Variants in DNAH1 observed in about 807,000 individuals in gnomAD.
DNAH1 encodes the protein dynein axonemal heavy chain 1.
In DNAH1, 327 loss-of-function variants were observed where a neutral mutation model predicts 484.3. That is an observed-to-expected ratio of 0.68 (90% confidence interval 0.62 to 0.74). The LOEUF (loss-of-function observed/expected upper bound fraction) is 0.74, where lower values mean the gene tolerates loss of function less well. Ranked by LOEUF, DNAH1 falls within the 30% of genes least tolerant of loss-of-function variation. DNAH1 has a pLI of 0.00. For missense variants in DNAH1, 5,052 were observed against 5,546.8 expected (o/e 0.91, Z 2.83); for synonymous variants, 2,192 against 2,191.9 (o/e 1.00, Z 0.00).
chr3:52,325,215 C>T (rs1701293424), intron 3 of DNAH1, among the ~76,000 whole-genome samples: 1 of 152,200 alleles, frequency 6.6e-6, no homozygotes, highest in Non-Finnish European at 1.5e-5. Context: ...TGCCCAGGCA[C>T]CACCTCTGGT....
At position 52,346,511 on chromosome 3, in the gene DNAH1, A is replaced by G; in HGVS notation, c.1696A>G (p.Lys566Glu). 6.2e-7 allele frequency: 1 copy of G among 1,613,414 alleles called. No individual in the cohort carries two copies. The highest frequency in any genetic ancestry group is 8.5e-7 in the Non-Finnish European group (1 of 1,179,642). ...CAAGGACAGCTGGATCAGCTCGCTAAAGGTGGCCATGCGCAGCAGCCTGCG... is the reference window on the plus strand; with the variant it reads ...CAAGGACAGCTGGATCAGCTCGCTAGAGGTGGCCATGCGCAGCAGCCTGCG... ...FLKDSWISSLKVAMRSSLRDM... is the reference protein window; with the variant it reads ...FLKDSWISSLEVAMRSSLRDM... Residue 566 changes from lysine to glutamate, a missense_variant, in exon 11 of 78, where the codon AAG becomes GAG. This residue lies in a region of DNAH1 where 1,263 missense variants were observed against 1,218.8 expected (regional missense o/e 1.04). Coordinates refer to ENST00000420323, the MANE Select transcript of DNAH1 (RefSeq NM_015512.5).
rs181919231 is a variant in DNAH1 at position 52,352,606 on chromosome 3, G to A, written c.2926G>A (p.Ala976Thr). ...GGAGATTTCACGTGCACACGAGATC[G>A]CCAACGAGGTGCGGCGTGTCAAGAA... is the stretch of plus-strand genomic sequence containing the variant. ...HVEISRAHEI[A>T]NEVRRVKKQL... is the part of the protein sequence containing the mutation. Residue 976 changes from alanine to threonine, a missense_variant, in exon 18 of 78, where the codon GCC becomes ACC. By Grantham distance (58) the Ala-to-Thr change is moderately conservative (BLOSUM62 0). Transcript: ENST00000420323. 479 of 1,612,558 alleles carry A rather than the reference G, an allele frequency of 3.0e-4. 1 individual carries two copies. The Admixed American group carries it at 4.0e-3, about 14-fold the overall frequency.
At chr3:52,382,230 A>G in intron 49 of DNAH1, 90 bp from the exon 50 acceptor site, 1 of 1,598,612 alleles carries the variant, frequency 6.3e-7, no homozygotes, top group Admixed American at 1.7e-5. Context: ...GCAGAATTCC[A>G]GGTGGTCAGG....
At chr3:52,323,196 G>A (rs774722934) in intron 2 of DNAH1, among the ~76,000 whole-genome samples, 2 of 152,130 alleles carry the variant, frequency 1.3e-5, no homozygotes, top group Non-Finnish European at 1.5e-5. Flanking sequence ...GTAAGAGTGG[G>A]GCCTGGGAGC....
At position 52,345,407 on chromosome 3, in the gene DNAH1, C is replaced by T; in HGVS notation, c.1445-88C>T. On this transcript the variant is annotated intron_variant, in intron 9 of 77. Transcript: ENST00000420323. ...TTCAGGGAGAAGGCAGGAGTCATGGCCCTCCTTCAAGCACCCTGTGGATCT... is the reference window on the plus strand; with the variant it reads ...TTCAGGGAGAAGGCAGGAGTCATGGTCCTCCTTCAAGCACCCTGTGGATCT... 2.7e-6 allele frequency: 3 copies of T among 1,117,972 alleles called. No individual in the cohort carries two copies. The South Asian group carries it at 4.4e-5, about 16-fold the overall frequency. 69.3% of individuals were successfully genotyped at this position (1,117,972 alleles called of 1,614,324 possible).
chr3:52,332,136 C>G lies in DNAH1; in HGVS notation c.1034-6C>G, dbSNP rs1261529691. Reference sequence around the variant, plus strand: ...TGTCCCCTTCTCCCTCTCACCCGGCCCCCAGGAAGGCCACCCCTTCAGGTC... The same window carrying G: ...TGTCCCCTTCTCCCTCTCACCCGGCGCCCAGGAAGGCCACCCCTTCAGGTC... On this transcript the variant is annotated splice_polypyrimidine_tract_variant and splice_region_variant and intron_variant, in intron 7 of 77. Coordinates refer to ENST00000420323, the MANE Select transcript of DNAH1 (RefSeq NM_015512.5). The G allele has an allele frequency of 6.5e-6, 10 of 1,550,212 alleles. No homozygotes were observed. The highest frequency in any genetic ancestry group is 8.7e-6 in the Non-Finnish European group (10 of 1,144,524).
intron 8 of DNAH1, among the ~76,000 whole-genome samples, chr3:52,338,173 A>G (rs1701802221): frequency 6.6e-6 from 1 of 151,916 alleles, no homozygotes; most frequent in South Asian, 2.1e-4. Flanking sequence ...CAATGGTGCG[A>G]TCTCTGCTCA....
rs754149782 is a variant in DNAH1 at position 52,323,816 on chromosome 3, T to G, written c.342T>G (p.Cys114Trp). ...PGTLDQLGEV[C>W]RGPRMSQNLL... ...CCATGGTTTGGTTTCAGGAGGTATG[T>G]CGTGGCCCCCGAATGAGCCAGAACC... Residue 114 changes from cysteine to tryptophan, a missense_variant, in exon 3 of 78, where the codon TGT becomes TGG. Coordinates refer to ENST00000420323, the MANE Select transcript of DNAH1 (RefSeq NM_015512.5). 2 of 1,590,668 alleles carry G rather than the reference T, an allele frequency of 1.3e-6. No homozygotes were observed. Among genetic ancestry groups the G allele is most frequent in the South Asian group, 2.3e-5 (2 of 87,230 alleles).
chr3:52,399,124 G>T lies in DNAH1; in HGVS notation c.12364G>T (p.Ala4122Ser). The T allele has an allele frequency of 1.2e-6, 2 of 1,614,004 alleles. No homozygotes were observed. Among genetic ancestry groups the T allele is most frequent in the African/African-American group, 1.3e-5 (1 of 75,054 alleles). The change falls in exon 76 of 78, where the codon GCT (alanine) becomes TCT (serine). Residue 4122 changes from alanine to serine, a missense_variant. Ala to Ser is a moderately conservative substitution (Grantham distance 99). Transcript: ENST00000420323. ...GATCAGTGGATTCTTCTTCCCCCAGGCTTTCTTAACAGGCACTCTGCAGAA... is the reference window on the plus strand; with the variant it reads ...GATCAGTGGATTCTTCTTCCCCCAGTCTTTCTTAACAGGCACTCTGCAGAA... ...FWISGFFFPQAFLTGTLQNFA... is the reference protein window; with the variant it reads ...FWISGFFFPQSFLTGTLQNFA...
In DNAH1 at chr3:52,322,555, C is replaced by T. The variant is rs752563791; in HGVS notation, c.113C>T (p.Pro38Leu). 1.4e-5 allele frequency: 22 copies of T among 1,613,766 alleles called. No individual in the cohort carries two copies. Among genetic ancestry groups the T allele is most frequent in the Middle Eastern group, 1.6e-4 (1 of 6,082 alleles). Reference sequence around the variant, plus strand: ...ACCCACAGGGGCCTAGAGTATAACCCGGGGAAGATTCTTCCAGGATCAGAC... The same window carrying T: ...ACCCACAGGGGCCTAGAGTATAACCTGGGGAAGATTCTTCCAGGATCAGAC... Reference protein sequence around the residue: ...VGTHRGLEYNPGKILPGSDYG... With the variant: ...VGTHRGLEYNLGKILPGSDYG... The change falls in exon 2 of 78, where the codon CCG becomes CTG. Residue 38 changes from proline (P) to leucine (L), a missense_variant. By Grantham distance (98) the Pro-to-Leu change is moderately conservative (BLOSUM62 -3). Transcript: ENST00000420323.
chr3:52,388,237 C>G lies in DNAH1; in HGVS notation c.9074C>G (p.Thr3025Ser), dbSNP rs1441316331. Reference protein sequence around the residue: ...YIDNEEFQPATIAKVSKACTS... With the variant: ...YIDNEEFQPASIAKVSKACTS... The stretch of plus-strand genomic sequence containing the variant: ...GATAATGAAGAGTTCCAGCCAGCCA[C>G]CATTGCCAAGGTGTCCAAGGCTTGC... The change falls in exon 57 of 78, where the codon ACC becomes AGC. Residue 3025 changes from threonine to serine, a missense_variant. Transcript: ENST00000420323. The G allele has an allele frequency of 6.2e-7, 1 of 1,607,270 alleles. No individual in the cohort carries two copies. Among genetic ancestry groups the G allele is most frequent in the South Asian group, 1.1e-5 (1 of 89,438 alleles).
intron 48 of DNAH1, 76 bp downstream of exon 48, chr3:52,380,211 C>G: frequency 2.3e-6 from 3 of 1,288,372 alleles, no homozygotes; most frequent in Non-Finnish European, 3.3e-6. Context: ...AGGCCCCCTG[C>G]AGTCACCACT....
At position 52,357,603 on chromosome 3, in the gene DNAH1, G is replaced by A. The variant is rs770932651; in HGVS notation, c.3859-11G>A. 23 of 1,595,938 alleles carry A rather than the reference G, an allele frequency of 1.4e-5. No homozygotes were observed. The highest frequency in any genetic ancestry group is 4.5e-5 in the East Asian group (2 of 44,290). On this transcript the variant is annotated splice_polypyrimidine_tract_variant and intron_variant, in intron 22 of 77. Transcript: ENST00000420323. ...CACTGCCCATTTCTGTGCATGGCCCGGGCCCTGCAGGTGATCAATGTGTGT... is the reference window on the plus strand; with the variant it reads ...CACTGCCCATTTCTGTGCATGGCCCAGGCCCTGCAGGTGATCAATGTGTGT...
Position 52,372,223 on chromosome 3 carries a change from C to G in DNAH1, c.6667-4C>G. On this transcript the variant is annotated splice_polypyrimidine_tract_variant and splice_region_variant and intron_variant, in intron 42 of 77. Coordinates refer to ENST00000420323, the MANE Select transcript of DNAH1 (RefSeq NM_015512.5). The stretch of plus-strand genomic sequence containing the variant: ...ATGCTCCTGTGCCATCCCCGCTCTG[C>G]CAGGTGCTGTGCATTGGGCCAACAG... 6.2e-7 allele frequency: 1 copy of G among 1,613,714 alleles called. No homozygotes were observed. The highest frequency in any genetic ancestry group is 8.5e-7 in the Non-Finnish European group (1 of 1,179,762).
At position 52,345,567 on chromosome 3, in the gene DNAH1, G is replaced by A. The variant is rs375629993; in HGVS notation, c.1517G>A (p.Arg506Gln). The A allele has an allele frequency of 3.0e-5, 48 of 1,597,852 alleles. No homozygotes were observed. The highest frequency in any genetic ancestry group is 8.0e-5 in the African/African-American group (6 of 74,706). ...EDFTFVSLLT[R>Q]PEVITALSKV... ...TTCACTTTCGTGTCCCTGCTCACAC[G>A]GCCAGAGGTCATCACGGCCCTCAGC... The change falls in exon 10 of 78, where the codon CGG (arginine) becomes CAG (glutamine). Residue 506 changes from arginine to glutamine, a missense_variant. By Grantham distance (43) the Arg-to-Gln change is conservative (BLOSUM62 1). Transcript: ENST00000420323.
At position 52,381,755 on chromosome 3, in the gene DNAH1, T is replaced by A; in HGVS notation, c.7724T>A (p.Leu2575Gln). The change falls in exon 49 of 78, where the codon CTA (leucine) becomes CAA (glutamine). Residue 2575 changes from leucine to glutamine, a missense_variant. Leu to Gln is a moderately radical substitution (Grantham distance 113). This residue lies in a region of DNAH1 where 2,929 missense variants were observed against 3,409.4 expected (regional missense o/e 0.86). Transcript: ENST00000420323. This position sits in a 1 kb window ranked among gnomAD's most constrained non-coding sequence, Gnocchi z 4.1. ...CACATCTGTCGCATCAGCCGCACCC[T>A]ACGCCAGGCGCTGGGCAATGCACTC... Reference protein sequence around the residue: ...MSHICRISRTLRQALGNALLL... With the variant: ...MSHICRISRTQRQALGNALLL... The A allele has an allele frequency of 6.2e-7, 1 of 1,605,040 alleles. No individual in the cohort carries two copies. Among genetic ancestry groups the A allele is most frequent in the Non-Finnish European group, 8.5e-7 (1 of 1,176,576 alleles).
intron 1 of DNAH1, 72 bp from the exon 2 acceptor site, chr3:52,322,337 C>G (rs1323581998): frequency 2.8e-6 from 3 of 1,062,246 alleles, no homozygotes; most frequent in Non-Finnish European, 2.7e-6. Context: ...GGCAGGCAAT[C>G]TAGGCATCCA....
rs1701239107 is a variant in DNAH1 at position 52,323,823 on chromosome 3, C to T, written c.349C>T (p.Pro117Ser). ...TTGGTTTCAGGAGGTATGTCGTGGC[C>T]CCCGAATGAGCCAGAACCTCCTGCG... ...LDQLGEVCRG[P>S]RMSQNLLRQA... is the part of the protein sequence containing the mutation. Residue 117 changes from proline (P) to serine (S), a missense_variant, in exon 3 of 78, where the codon CCC becomes TCC. Pro to Ser is a moderately conservative substitution (Grantham distance 74). Coordinates refer to ENST00000420323, the MANE Select transcript of DNAH1 (RefSeq NM_015512.5). 1.3e-6 allele frequency: 2 copies of T among 1,590,946 alleles called. No homozygotes were observed. The highest frequency in any genetic ancestry group is 1.7e-6 in the Non-Finnish European group (2 of 1,168,630).
intron 20 of DNAH1, among the ~76,000 whole-genome samples, chr3:52,354,503 C>T (rs996318110): frequency 6.6e-6 from 1 of 152,134 alleles, no homozygotes; most frequent in Non-Finnish European, 1.5e-5. Flanking sequence ...TGTGGTGGCA[C>T]ATGCCTGTAA....
Sources: gnomAD v4.1 joint callset for allele counts (sites outside exome capture counted in the v4.1 genomes callset) on GRCh38, gnomAD v4.1.1 for gene constraint, gnomAD v4.1.1 regional missense constraint, Gnocchi (gnomAD v3.1) non-coding constraint, MANE v1.5 for transcripts, NCBI Gene and HGNC (gene_info 2026-07-23, HGNC 2026-07-21) for gene names.